The following MYO10 variants were observed in gnomAD, a reference collection of about 807,000 sequenced individuals.
MYO10 encodes myosin X, also known as unconventional myosin-X.
A neutral mutation model predicts 257.3 loss-of-function variants in MYO10; 133 were observed. The ratio of observed to expected loss-of-function variants is 0.52; its 90% confidence interval spans 0.45 to 0.60. The LOEUF (loss-of-function observed/expected upper bound fraction) is 0.60, where lower values mean the gene tolerates loss of function less well. MYO10 is among the 20% of genes least tolerant of loss of function. MYO10 has a pLI of 0.00. For synonymous variants in MYO10, 1,104 were observed against 1,028.6 expected (o/e 1.07, Z -1.40); for missense variants, 2,399 against 2,635.7 (o/e 0.91, Z 1.97).
At chr5:16,676,305 T>A (rs1180981898) in intron 33 of MYO10, among the ~76,000 whole-genome samples, 151 bp from the exon 34 acceptor site, 2 of 152,256 alleles carry the variant, frequency 1.3e-5, no homozygotes, top group African/African-American at 4.8e-5. Context: ...ATACCCATAA[T>A]CTGTGTTTGA....
chr5:16,796,334 G>T (rs1451229381), intron 3 of MYO10, among the ~76,000 whole-genome samples: 1 of 127,554 alleles, frequency 7.8e-6, no homozygotes, highest in Non-Finnish European at 1.6e-5. Context: ...AGAAAGGAAA[G>T]AAAGGGAAAG....
intron 1 of MYO10, among the ~76,000 whole-genome samples, chr5:16,920,990 C>G (rs375604342): frequency 6.6e-6 from 1 of 151,822 alleles, no homozygotes; most frequent in Non-Finnish European, 1.5e-5. Flanking sequence ...TGGTGGTGGG[C>G]GCCTGTAATC....
intron 1 of MYO10, among the ~76,000 whole-genome samples, chr5:16,934,397 A>G (rs1255403240): frequency 6.6e-6 from 1 of 152,242 alleles, no homozygotes; most frequent in Non-Finnish European, 1.5e-5. Flanking sequence ...TCATTGCCCT[A>G]GGGGCAGGGC....
At chr5:16,865,772 C>T (rs909900278) in intron 2 of MYO10, among the ~76,000 whole-genome samples, 21 of 151,294 alleles carry the variant, frequency 1.4e-4, no homozygotes, top group Non-Finnish European at 2.8e-4. Context: ...GATCGCACCA[C>T]TACACTCTAG....
In MYO10 at chr5:16,929,605, TAG is replaced by T. The variant is rs1746241671; in HGVS notation, c.21+6181_21+6182del. Among the ~76,000 whole-genome samples the T allele has an allele frequency of 2.0e-5, 3 of 152,260 alleles. 1 individual carries two copies. In the South Asian group the frequency reaches 6.2e-4, roughly 32 times the overall value. On this transcript the variant is annotated intron_variant, in intron 1 of 40. Transcript: ENST00000513610. The stretch of plus-strand genomic sequence containing the variant: ...TTCATCTATGGATTGGGTATAATTA[TAG>T]AGCCTTTCCCATAGGGTTGTTCAAG...
intron 6 of MYO10, among the ~76,000 whole-genome samples, chr5:16,780,959 A>C (rs539733283): frequency 6.6e-6 from 1 of 152,350 alleles, no homozygotes; most frequent in East Asian, 1.9e-4. Context: ...TCAGGTACCA[A>C]ACTAACTGAC....
At chr5:16,759,084 G>C (rs1407746019) in intron 17 of MYO10, among the ~76,000 whole-genome samples, 1 of 152,074 alleles carries the variant, frequency 6.6e-6, no homozygotes, top group Non-Finnish European at 1.5e-5. Context: ...ATCACGCCTG[G>C]CTAATTTTTA....
intron 3 of MYO10, among the ~76,000 whole-genome samples, chr5:16,801,187 C>A (rs968730370): frequency 3.3e-5 from 5 of 152,056 alleles, no homozygotes; most frequent in Non-Finnish European, 7.4e-5. Flanking sequence ...AACAGCTGCT[C>A]CTGATTTTTA....
intron 1 of MYO10, among the ~76,000 whole-genome samples, chr5:16,904,281 A>G (rs1444366491): frequency 6.6e-6 from 1 of 152,126 alleles, no homozygotes; most frequent in African/African-American, 2.4e-5. Context: ...TTCATCTAGT[A>G]GTCTGGGTAA....
At chr5:16,827,296 T>C (rs1743029307) in intron 2 of MYO10, among the ~76,000 whole-genome samples, 1 of 152,088 alleles carries the variant, frequency 6.6e-6, no homozygotes, top group African/African-American at 2.4e-5. Flanking sequence ...TCTTTTTTTG[T>C]TTTTTTGGAG....
At chr5:16,912,511 T>C (rs937968047) in intron 1 of MYO10, among the ~76,000 whole-genome samples, 1 of 152,118 alleles carries the variant, frequency 6.6e-6, no homozygotes, top group African/African-American at 2.4e-5. Context: ...GAAAAATGCA[T>C]TATTTGGTAC....
At position 16,673,666 on chromosome 5, in the gene MYO10, A is replaced by G. The variant is rs189068575; in HGVS notation, c.5172+16T>C. 1,212 of 1,609,272 alleles carry G rather than the reference A, an allele frequency of 7.5e-4. 2 individuals carry two copies. Among genetic ancestry groups the G allele is most frequent in the Non-Finnish European group, 9.2e-4 (1,078 of 1,177,460 alleles). ...AAAGGCATCTAACAGAACAAGCAGC[A>G]GCTGCCTCTCCTCACCTCCCCAGCG... On this transcript the variant is annotated intron_variant, in intron 36 of 40. Transcript: ENST00000513610.
chr5:16,681,354 G>C lies in MYO10; in HGVS notation c.4339C>G (p.Leu1447Val), dbSNP rs950308153. The C allele has an allele frequency of 7.4e-6, 12 of 1,613,892 alleles. No individual in the cohort carries two copies. The highest frequency in any genetic ancestry group is 1.0e-5 in the Non-Finnish European group (12 of 1,179,868). The stretch of plus-strand genomic sequence containing the variant: ...TCATCTGGGGGGACGACAGAGCAGA[G>C]GCTGTTGAGGACCAGGGTCCCCAGT... ...LKLGTLVLNSLCSVVPPDEKI... is the reference protein window; with the variant it reads ...LKLGTLVLNSVCSVVPPDEKI... The change falls in exon 32 of 41, where the codon CTC becomes GTC. Residue 1447 changes from leucine to valine, a missense_variant. This residue lies in a region of MYO10 where 1,820 missense variants were observed against 1,939.4 expected (regional missense o/e 0.94). Transcript: ENST00000513610.
chr5:16,779,489 T>C (rs2126667678), intron 9 of MYO10, 56 bp downstream of exon 9: 1 of 1,035,960 alleles, frequency 9.7e-7, no homozygotes, highest in Non-Finnish European at 1.4e-6. Context: ...TGAAATCTGT[T>C]ACTCTTAATA....
intron 2 of MYO10, among the ~76,000 whole-genome samples, chr5:16,832,288 A>C (rs138837924): frequency 2.0e-5 from 3 of 152,270 alleles, no homozygotes; most frequent in Non-Finnish European, 4.4e-5. Flanking sequence ...CTGTTTTCTA[A>C]AGCTTGTATA....
At chr5:16,870,062 G>A (rs1366681148) in intron 2 of MYO10, among the ~76,000 whole-genome samples, 2 of 151,172 alleles carry the variant, frequency 1.3e-5, no homozygotes, top group African/African-American at 4.9e-5. Context: ...TAGGATTTTA[G>A]ACACACATGG....
intron 2 of MYO10, among the ~76,000 whole-genome samples, chr5:16,849,142 T>C (rs1743727005): frequency 6.6e-6 from 1 of 152,168 alleles, no homozygotes; most frequent in Non-Finnish European, 1.5e-5. Context: ...ATTTTTAAAG[T>C]ACTTTTGCCC....
intron 19 of MYO10, among the ~76,000 whole-genome samples, chr5:16,720,703 C>G (rs1328257531): frequency 6.6e-6 from 1 of 152,208 alleles, no homozygotes; most frequent in Non-Finnish European, 1.5e-5. Flanking sequence ...TGTGATCCAC[C>G]CGCCTTGGCC....
chr5:16,734,600 T>C (rs1466141222), intron 19 of MYO10, among the ~76,000 whole-genome samples: 1 of 151,758 alleles, frequency 6.6e-6, no homozygotes, highest in Admixed American at 6.6e-5. Flanking sequence ...AGGTCAGGAG[T>C]TCGAGACCAG....
Sources: gnomAD v4.1 joint callset for allele counts (sites outside exome capture counted in the v4.1 genomes callset) on GRCh38, gnomAD v4.1.1 for gene constraint, gnomAD v4.1.1 regional missense constraint, MANE v1.5 for transcripts, NCBI Gene and HGNC (gene_info 2026-07-23, HGNC 2026-07-21) for gene names.